CSMD1: variants seen among roughly 807,000 people sequenced by gnomAD.
CSMD1 encodes the protein CUB and sushi domain-containing protein 1.
Under a neutral mutation model 417.5 loss-of-function variants are expected in CSMD1, and 213 were observed. That is an observed-to-expected ratio of 0.51 (90% CI 0.46 to 0.57). The LOEUF is 0.57. CSMD1 is among the 20% of genes least tolerant of loss of function. The pLI is 0.00. For missense variants in CSMD1, 6,923 were observed against 4,529.7 expected, an observed-to-expected ratio of 1.53 and a Z score of -15.17; for synonymous variants, 2,862 against 1,736.8, an observed-to-expected ratio of 1.65 and a Z score of -16.11.
intron 7 of CSMD1, among the ~76,000 whole-genome samples, chr8:3,659,275 T>C (rs74752104): frequency 0.013 from 1,976 of 152,308 alleles, 62 homozygotes; most frequent in East Asian, 0.078. Flanking sequence ...GACTACCAAA[T>C]TGCAGAGATG....
chr8:3,284,175 G>A lies in CSMD1; in HGVS notation c.4122C>T (p.Ile1374=). Residue 1374 remains isoleucine (I), a synonymous_variant, in exon 26 of 70, where the codon ATC becomes ATT. Transcript: ENST00000635120. ...ACTGGATGGAGAAGCCAGACTTGCTGATGAAGAAGTCGCTGTCGAACTGCA... is the reference window on the plus strand; with the variant it reads ...ACTGGATGGAGAAGCCAGACTTGCTAATGAAGAAGTCGCTGTCGAACTGCA... The part of the protein sequence containing the change: ...LTLQFDSDFF[I]SKSGFSIQFS... 3.2e-6 allele frequency: 5 copies of A among 1,584,900 alleles called. No homozygotes were observed. The highest frequency in any genetic ancestry group is 4.3e-6 in the Non-Finnish European group (5 of 1,165,870).
intron 3 of CSMD1, among the ~76,000 whole-genome samples, chr8:4,066,023 A>T (rs1297820015): frequency 6.6e-6 from 1 of 152,200 alleles, no homozygotes; most frequent in Non-Finnish European, 1.5e-5. Flanking sequence ...TCCTTGGAGG[A>T]AGTCAGAAGG....
At chr8:4,282,442 T>C (rs184035074) in intron 3 of CSMD1, among the ~76,000 whole-genome samples, 8 of 152,284 alleles carry the variant, frequency 5.3e-5, no homozygotes, top group Admixed American at 2.6e-4. Context: ...CAAGGTCCTA[T>C]TGCCAGAGGA....
intron 17 of CSMD1, among the ~76,000 whole-genome samples, chr8:3,395,559 T>TAA (rs1489000450): frequency 6.6e-6 from 1 of 152,206 alleles, no homozygotes; most frequent in East Asian, 1.9e-4. Context: ...ACTTTCCATG[T>TAA]GGAAGTTTGG....
At chr8:3,367,708 G>T (rs1029010041) in intron 19 of CSMD1, among the ~76,000 whole-genome samples, 3 of 152,138 alleles carry the variant, frequency 2.0e-5, no homozygotes, top group African/African-American at 4.8e-5. Context: ...TAAATATGAA[G>T]ATATGATGTG....
intron 2 of CSMD1, among the ~76,000 whole-genome samples, chr8:4,555,739 T>C (rs144598114): frequency 2.6e-5 from 4 of 152,280 alleles, no homozygotes; most frequent in African/African-American, 9.6e-5. Flanking sequence ...AGGGAAACCA[T>C]AAGAAAGTTC....
At chr8:3,463,195 C>T (rs766097536) in intron 12 of CSMD1, among the ~76,000 whole-genome samples, 3 of 152,202 alleles carry the variant, frequency 2.0e-5, no homozygotes, top group Non-Finnish European at 4.4e-5. Flanking sequence ...GGGCACTGTT[C>T]AACCTCTCCC....
chr8:4,173,571 T>A (rs542110617), intron 3 of CSMD1, among the ~76,000 whole-genome samples: 1 of 152,094 alleles, frequency 6.6e-6, no homozygotes, highest in Non-Finnish European at 1.5e-5. Flanking sequence ...TATCAAATGA[T>A]GTAACAATAT....
At chr8:4,346,171 A>C (rs1245629993) in intron 3 of CSMD1, among the ~76,000 whole-genome samples, 1 of 152,148 alleles carries the variant, frequency 6.6e-6, no homozygotes, top group Non-Finnish European at 1.5e-5. Context: ...TATGGTTAAC[A>C]ATCAAATATG....
intron 50 of CSMD1, among the ~76,000 whole-genome samples, chr8:3,031,820 G>A (rs1259936406): frequency 6.7e-6 from 1 of 149,414 alleles, no homozygotes; most frequent in Non-Finnish European, 1.5e-5. Flanking sequence ...ATTTGGTTTG[G>A]TTTGTAATTA....
intron 5 of CSMD1, among the ~76,000 whole-genome samples, chr8:3,759,815 G>A (rs1217648111): frequency 2.6e-5 from 4 of 151,076 alleles, no homozygotes; most frequent in Non-Finnish European, 4.4e-5. Flanking sequence ...AGATGAGGGA[G>A]GAGAATTGTT....
chr8:4,435,038 G>T (rs371638055), intron 2 of CSMD1, among the ~76,000 whole-genome samples: 1 of 152,032 alleles, frequency 6.6e-6, no homozygotes, highest in Non-Finnish European at 1.5e-5. Flanking sequence ...CAATACTGTT[G>T]AATGTCTAAT....
At chr8:4,298,827 G>A (rs545114089) in intron 3 of CSMD1, among the ~76,000 whole-genome samples, 2 of 151,948 alleles carry the variant, frequency 1.3e-5, no homozygotes, top group African/African-American at 2.4e-5. Flanking sequence ...AGAACTTAAA[G>A]TATAATAAAA....
chr8:3,847,646 C>T (rs568521597), intron 5 of CSMD1, among the ~76,000 whole-genome samples: 3 of 152,256 alleles, frequency 2.0e-5, no homozygotes, highest in Admixed American at 1.3e-4. Flanking sequence ...CACGGATGCA[C>T]TGCCTTCAGC....
chr8:2,945,184 C>A (rs1802139209), intron 68 of CSMD1, among the ~76,000 whole-genome samples: 2 of 152,284 alleles, frequency 1.3e-5, no homozygotes, highest in Middle Eastern at 3.4e-3. Flanking sequence ...GGTAGTTCCT[C>A]TTTATAGTTG....
At chr8:3,862,376 G>C (rs1409940944) in intron 5 of CSMD1, among the ~76,000 whole-genome samples, 1 of 148,370 alleles carries the variant, frequency 6.7e-6, no homozygotes, top group Non-Finnish European at 1.5e-5. Flanking sequence ...CCTCTGATGT[G>C]GCCCTTTCAT....
At chr8:4,458,378 C>G (rs1341426005) in intron 2 of CSMD1, among the ~76,000 whole-genome samples, 2 of 151,544 alleles carry the variant, frequency 1.3e-5, no homozygotes, top group Non-Finnish European at 2.9e-5. Context: ...AATTTATAAA[C>G]CTAAAGTTAT....
intron 23 of CSMD1, among the ~76,000 whole-genome samples, chr8:3,313,623 G>A (rs1042163808): frequency 4.6e-5 from 7 of 152,168 alleles, no homozygotes; most frequent in Non-Finnish European, 1.0e-4. Flanking sequence ...GGAAACAACA[G>A]GTGCTGGAGA....
chr8:3,768,569 CAA>C (rs1205577558), intron 5 of CSMD1, among the ~76,000 whole-genome samples: 2 of 152,054 alleles, frequency 1.3e-5, no homozygotes, highest in Non-Finnish European at 2.9e-5. Context: ...TAAACAGAAA[CAA>C]GAGTACTTTA....
Sources: gnomAD v4.1 joint callset for allele counts (sites outside exome capture counted in the v4.1 genomes callset) on GRCh38, gnomAD v4.1.1 for gene constraint, MANE v1.5 for transcripts, NCBI Gene and HGNC (gene_info 2026-07-23, HGNC 2026-07-21) for gene names.